GSE1: variants seen among roughly 807,000 people sequenced by gnomAD.
GSE1 encodes Gse1 coiled-coil protein.
In GSE1, 32 loss-of-function variants were observed where a neutral mutation model predicts 112.6. The ratio of observed to expected loss-of-function variants is 0.28; its 90% confidence interval spans 0.21 to 0.38. The LOEUF (loss-of-function observed/expected upper bound fraction) is 0.38, where lower values mean the gene tolerates loss of function less well. Ranked by LOEUF, GSE1 falls within the 10% of genes least tolerant of loss-of-function variation. GSE1 has a pLI of 1.00. For synonymous variants in GSE1, 1,115 were observed against 735.6 expected (o/e 1.52, Z -8.35); for missense variants, 2,348 against 1,699.2 (o/e 1.38, Z -6.71).
intron 11 of GSE1, among the ~76,000 whole-genome samples, chr16:85,663,943 C>T (rs554379534): frequency 6.6e-6 from 1 of 152,370 alleles, no homozygotes; most frequent in East Asian, 1.9e-4. Flanking sequence ...CCAGGTGTTC[C>T]AGGTTTGTCT....
intron 1 of GSE1, among the ~76,000 whole-genome samples, chr16:85,625,102 C>G (rs138270418): frequency 2.0e-5 from 3 of 152,204 alleles, no homozygotes; most frequent in Non-Finnish European, 2.9e-5. Flanking sequence ...AGGGCCCCGC[C>G]CTCTCCCTTG....
At position 85,634,151 on chromosome 16, in the gene GSE1, C is replaced by T; in HGVS notation, c.226+19C>T. 1 of 1,424,540 alleles carries T rather than the reference C, an allele frequency of 7.0e-7. No homozygotes were observed. 88.2% of individuals were successfully genotyped at this position (1,424,540 alleles called of 1,614,324 possible). On this transcript the variant is annotated intron_variant, in intron 2 of 15. Coordinates refer to ENST00000253458, the MANE Select transcript of GSE1 (RefSeq NM_014615.5). ...CCCAGAGGTAAGGGGGCCCGCCAGG[C>T]TGCGCGTGGGGGGAGCGGCGGCTCC...
intron 2 of GSE1, among the ~76,000 whole-genome samples, chr16:85,518,760 C>T (rs974552936): frequency 1.3e-5 from 2 of 152,014 alleles, no homozygotes; most frequent in Admixed American, 6.6e-5. Flanking sequence ...GAGCTGCCAC[C>T]GTGGGTTTAG....
rs142617550 is a variant in GSE1, at chr16:85,536,573, C to T, written c.2465-97341C>T. On this transcript the variant is annotated intron_variant, in intron 2 of 2. Transcript: ENST00000637419. The stretch of plus-strand genomic sequence containing the variant: ...GGCTGGGCCTCCGCTGTGTTTCACA[C>T]GGTCGGGTGGCAGCTTCTTCACCCA... Among the ~76,000 whole-genome samples, 419 of 152,364 alleles carry T rather than the reference C, an allele frequency of 2.7e-3. 5 individuals carry two copies. Among genetic ancestry groups the T allele is most frequent in the African/African-American group, 9.4e-3 (390 of 41,590 alleles).
At chr16:85,434,058 C>T (rs1356952155) in intron 2 of GSE1, among the ~76,000 whole-genome samples, 2 of 152,122 alleles carry the variant, frequency 1.3e-5, no homozygotes, top group Non-Finnish European at 2.9e-5. Flanking sequence ...CAATCTCCCA[C>T]CCAAAGGGGC....
chr16:85,321,740 G>A (rs2046110913), intron 1 of GSE1, among the ~76,000 whole-genome samples: 3 of 151,466 alleles, frequency 2.0e-5, no homozygotes, highest in African/African-American at 4.9e-5. Context: ...CTTGAGCCCA[G>A]GACTTTTGTG....
chr16:85,399,127 C>G (rs1052248423), intron 2 of GSE1, among the ~76,000 whole-genome samples: 2 of 152,116 alleles, frequency 1.3e-5, no homozygotes, highest in Non-Finnish European at 2.9e-5. Context: ...CATAGGATTG[C>G]ACATACACGT....
At chr16:85,239,307 C>A (rs945198339) in intron 1 of GSE1, among the ~76,000 whole-genome samples, 1 of 152,178 alleles carries the variant, frequency 6.6e-6, no homozygotes, top group Non-Finnish European at 1.5e-5. Context: ...CATTTAAAGA[C>A]CCTCCTAGTG....
At chr16:85,615,279 G>T (rs929369177) in intron 1 of GSE1, among the ~76,000 whole-genome samples, 2 of 152,204 alleles carry the variant, frequency 1.3e-5, no homozygotes, top group African/African-American at 4.8e-5. Context: ...GCTGTGCAGG[G>T]AGTCGCCCCG....
At chr16:85,277,960 G>A (rs1909535049) in intron 1 of GSE1, among the ~76,000 whole-genome samples, 1 of 152,258 alleles carries the variant, frequency 6.6e-6, no homozygotes, top group South Asian at 2.1e-4. Context: ...GCCCATGGGT[G>A]CGCACAGAGG....
chr16:85,268,350 C>T lies in GSE1; in HGVS notation c.2284-89113C>T, dbSNP rs147658625. On this transcript the variant is annotated intron_variant, in intron 1 of 2. Coordinates refer to the GSE1 transcript ENST00000637419. Reference sequence around the variant, plus strand: ...AATGATAATGGTCACAGTACAAACACTGCCAGGTCCCCACTGAGTGACCGC... The same window carrying T: ...AATGATAATGGTCACAGTACAAACATTGCCAGGTCCCCACTGAGTGACCGC... 4.1e-4 allele frequency among the ~76,000 whole-genome samples: 63 copies of T among 152,300 alleles called. 1 individual carries two copies. In the East Asian group the frequency reaches 0.01, roughly 25 times the overall value.
intron 2 of GSE1, among the ~76,000 whole-genome samples, chr16:85,372,596 G>A (rs2151601198): frequency 6.6e-6 from 1 of 152,142 alleles, no homozygotes; most frequent in South Asian, 2.1e-4. Context: ...GAGGTAGTGA[G>A]CTCCCCATCC....
At chr16:85,573,219 G>A (rs574749359) in intron 1 of GSE1, among the ~76,000 whole-genome samples, 9 of 152,124 alleles carry the variant, frequency 5.9e-5, no homozygotes, top group East Asian at 1.9e-4. Flanking sequence ...GGCTGGCCTC[G>A]AAGTCCTGGA....
intron 1 of GSE1, among the ~76,000 whole-genome samples, chr16:85,633,112 C>T (rs140320007): frequency 3.8e-4 from 58 of 152,344 alleles, no homozygotes; most frequent in African/African-American, 1.3e-3. Context: ...AAAGAGGGTT[C>T]CAAGCTGCAC....
At chr16:85,520,654 C>A (rs994223144) in intron 2 of GSE1, among the ~76,000 whole-genome samples, 3 of 152,048 alleles carry the variant, frequency 2.0e-5, no homozygotes, top group Admixed American at 6.6e-5. Flanking sequence ...AACTCCTAAC[C>A]TCAGGTAATC....
intron 2 of GSE1, among the ~76,000 whole-genome samples, chr16:85,382,872 T>TGC (rs2047583342): frequency 6.8e-6 from 1 of 147,504 alleles, no homozygotes; most frequent in Non-Finnish European, 1.5e-5. Context: ...ACAGCACACA[T>TGC]GCACACACAC....
Position 85,654,359 on chromosome 16 carries a change from C to T in GSE1, c.508C>T (p.Pro170Ser), listed in dbSNP as rs141495598. 4 of 1,611,712 alleles carry T rather than the reference C, an allele frequency of 2.5e-6. No homozygotes were observed. In the Admixed American group the frequency reaches 5.0e-5, roughly 20 times the overall value. Reference protein sequence around the residue: ...PPLPQEKAGGPAIPSHLLSTP... With the variant: ...PPLPQEKAGGSAIPSHLLSTP... ...GCTCCCTCAGGAGAAGGCAGGGGGA[C>T]CAGCCATCCCCTCGCACCTGCTCAG... is the stretch of plus-strand genomic sequence containing the variant. Residue 170 changes from proline to serine, a missense_variant, in exon 4 of 16, where the codon CCA becomes TCA. By Grantham distance (74) the Pro-to-Ser change is moderately conservative. Coordinates refer to ENST00000253458, the MANE Select transcript of GSE1 (RefSeq NM_014615.5).
At chr16:85,368,899 G>C (rs1009370802) in intron 2 of GSE1, among the ~76,000 whole-genome samples, 1 of 152,092 alleles carries the variant, frequency 6.6e-6, no homozygotes, top group South Asian at 2.1e-4. Context: ...GGAGGGCTGC[G>C]GGCTCCCTGA....
At chr16:85,468,984 G>T (rs544861214) in intron 2 of GSE1, among the ~76,000 whole-genome samples, 1 of 152,148 alleles carries the variant, frequency 6.6e-6, no homozygotes, top group Non-Finnish European at 1.5e-5. Flanking sequence ...GCTGGGCGTG[G>T]TGGCTTACAC....
Sources: allele counts gnomAD v4.1 joint callset (sites outside exome capture counted in the v4.1 genomes callset), GRCh38; gene constraint gnomAD v4.1.1; transcripts MANE v1.5; gene names NCBI Gene and HGNC (gene_info 2026-07-23, HGNC 2026-07-21).